ITSN1: variants seen among roughly 807,000 people sequenced by gnomAD.
ITSN1 encodes the protein intersectin-1.
ITSN1 carries 58 observed loss-of-function variants against 239.8 expected under a neutral mutation model. That is an observed-to-expected ratio of 0.24 (90% CI 0.20 to 0.30). ITSN1 has a LOEUF of 0.30. ITSN1 is among the 10% of genes least tolerant of loss of function. ITSN1 has a pLI of 1.00. For missense variants in ITSN1, 1,558 were observed against 2,103.3 expected, an observed-to-expected ratio of 0.74 and a Z score of 5.07; for synonymous variants, 780 against 770.8, an observed-to-expected ratio of 1.01 and a Z score of -0.20.
chr21:33,813,266 T>C (rs1208096089), intron 21 of ITSN1, among the ~76,000 whole-genome samples: 1 of 152,026 alleles, frequency 6.6e-6, no homozygotes, highest in South Asian at 2.1e-4. Context: ...TCACTGCAAC[T>C]TCCACCTCCC....
Position 33,882,812 on chromosome 21 carries a change from C to T in ITSN1, c.4554+357C>T, listed in dbSNP as rs1204781781. Among the ~76,000 whole-genome samples, 1 of 152,174 alleles carries T rather than the reference C, an allele frequency of 6.6e-6. No individual in the cohort carries two copies. Among genetic ancestry groups the T allele is most frequent in the Non-Finnish European group, 1.5e-5 (1 of 68,032 alleles). ...AACAGCACCCAGGGCCCACCGTCGC[C>T]TCCAAACAGTCCTAAGTCCCCTGCC... On this transcript the variant is annotated intron_variant, in intron 35 of 39. Coordinates refer to ENST00000381318, the MANE Select transcript of ITSN1 (RefSeq NM_003024.3). The surrounding 1 kb of genome is among the most constrained non-coding windows in gnomAD (Gnocchi z 4.5).
Position 33,781,500 on chromosome 21 carries a change from C to CA in ITSN1, c.1637dup (p.Ile547AspfsTer4). Reference sequence around the variant, plus strand: ...GCTTGGAAGACTTATTCCAGAAAAACAGATACTCAATGACCAATTAAAACA... The same window carrying CA: ...GCTTGGAAGACTTATTCCAGAAAAACAAGATACTCAATGACCAATTAAAACA... On this transcript the variant is annotated frameshift_variant, in exon 15 of 40. Transcript: ENST00000381318. LOFTEE classifies it high-confidence loss of function. 6.3e-7 allele frequency: 1 copy of CA among 1,598,768 alleles called. No homozygotes were observed. Among genetic ancestry groups the CA allele is most frequent in the Non-Finnish European group, 8.5e-7 (1 of 1,172,292 alleles).
chr21:33,845,186 G>GACTGGGGGCCGGTGTTGTT (rs1390450732), intron 29 of ITSN1, among the ~76,000 whole-genome samples: 4 of 152,034 alleles, frequency 2.6e-5, no homozygotes, highest in Non-Finnish European at 5.9e-5. Context: ...CACAGAGCAT[G>GACTGGGGGCCGGTGTTGTT]ACTGGGGGCC....
At chr21:33,694,286 C>T (rs7277761) in intron 1 of ITSN1, among the ~76,000 whole-genome samples, 76 of 152,348 alleles carry the variant, frequency 5.0e-4, no homozygotes, top group African/African-American at 1.8e-3. Context: ...ACTTTGGCTA[C>T]CCAAAGTGCT....
intron 24 of ITSN1, among the ~76,000 whole-genome samples, chr21:33,819,689 A>G (rs1006910768): frequency 1.3e-5 from 2 of 152,230 alleles, no homozygotes; most frequent in African/African-American, 4.8e-5. Context: ...TTTCGTTTTA[A>G]AAGTAACTAC....
intron 22 of ITSN1, among the ~76,000 whole-genome samples, chr21:33,816,026 A>C (rs557530953): frequency 5.8e-4 from 89 of 152,170 alleles, no homozygotes; most frequent in African/African-American, 2.1e-3. Flanking sequence ...TACTAAAAAA[A>C]ATAAATAAAT....
intron 1 of ITSN1, among the ~76,000 whole-genome samples, chr21:33,649,699 A>G (rs2088326167): frequency 6.6e-6 from 1 of 152,116 alleles, no homozygotes; most frequent in African/African-American, 2.4e-5. Context: ...AGAATTTTGA[A>G]TTCAAGTGAA....
chr21:33,750,774 A>G (rs964287609), intron 6 of ITSN1, among the ~76,000 whole-genome samples: 4 of 152,230 alleles, frequency 2.6e-5, no homozygotes, highest in African/African-American at 9.7e-5. Context: ...ATACTATTTT[A>G]TGGTATTACA....
chr21:33,809,228 A>G (rs933973065), intron 20 of ITSN1, among the ~76,000 whole-genome samples: 3 of 152,234 alleles, frequency 2.0e-5, no homozygotes, highest in Non-Finnish European at 4.4e-5. Context: ...TGTGAAGCCA[A>G]AAATTCAACC....
chr21:33,648,589 G>C (rs879647766), intron 1 of ITSN1, among the ~76,000 whole-genome samples: 3 of 152,140 alleles, frequency 2.0e-5, no homozygotes, highest in Admixed American at 2.0e-4. Context: ...GGTCACTCCT[G>C]TAATCCCAAT....
rs563391544 is a variant in ITSN1 at position 33,666,968 on chromosome 21, C to G, written c.-33+24255C>G. On this transcript the variant is annotated intron_variant, in intron 1 of 39. Coordinates refer to ENST00000381318, the MANE Select transcript of ITSN1 (RefSeq NM_003024.3). Reference sequence around the variant, plus strand: ...GAGGCATTGTTTTACATTTACATGCCACCATGCCCGCTAGTTTTTTTATTT... The same window carrying G: ...GAGGCATTGTTTTACATTTACATGCGACCATGCCCGCTAGTTTTTTTATTT... 9.2e-5 allele frequency among the ~76,000 whole-genome samples: 14 copies of G among 152,166 alleles called. No homozygotes were observed. The East Asian group carries it at 2.7e-3, about 29-fold the overall frequency.
At chr21:33,710,074 TTTTTTTG>T (rs990792142) in intron 1 of ITSN1, among the ~76,000 whole-genome samples, 2 of 151,262 alleles carry the variant, frequency 1.3e-5, no homozygotes, top group African/African-American at 4.9e-5. Flanking sequence ...GAGAGGCATT[TTTTTTTG>T]TTTTTTTTTT....
chr21:33,868,498 G>A (rs1304836080), intron 33 of ITSN1, among the ~76,000 whole-genome samples: 8 of 152,208 alleles, frequency 5.3e-5, no homozygotes, highest in South Asian at 2.1e-4. Flanking sequence ...GAAATCGAGC[G>A]CAGCGCCGGT....
intron 1 of ITSN1, among the ~76,000 whole-genome samples, chr21:33,698,032 T>C (rs1454835670): frequency 6.6e-6 from 1 of 152,202 alleles, no homozygotes; most frequent in Admixed American, 6.5e-5. Context: ...TGTCTTTCAT[T>C]GCTGTCCCTT....
intron 1 of ITSN1, among the ~76,000 whole-genome samples, chr21:33,706,211 G>C (rs1184226001): frequency 2.0e-5 from 3 of 151,938 alleles, no homozygotes; most frequent in Admixed American, 6.6e-5. Context: ...TAGAGATGGG[G>C]TTTCGCCATG....
chr21:33,761,185 C>T (rs1382032715), intron 8 of ITSN1, among the ~76,000 whole-genome samples: 1 of 152,090 alleles, frequency 6.6e-6, no homozygotes, highest in Non-Finnish European at 1.5e-5. Flanking sequence ...AAGCGATCCT[C>T]CTACTTCAGC....
At chr21:33,818,611 A>T in intron 23 of ITSN1, 139 bp downstream of exon 23, 1 of 718,292 alleles carries the variant, frequency 1.4e-6, no homozygotes, top group Non-Finnish European at 2.4e-6. Context: ...AAGTTATAGT[A>T]TATAGAGTAC....
At chr21:33,701,526 C>T (rs1247052976) in intron 1 of ITSN1, among the ~76,000 whole-genome samples, 4 of 151,724 alleles carry the variant, frequency 2.6e-5, no homozygotes, top group Admixed American at 2.0e-4. Flanking sequence ...GGCATGGTGA[C>T]GCACGCCTGT....
intron 1 of ITSN1, among the ~76,000 whole-genome samples, chr21:33,695,953 C>G (rs909900664): frequency 2.6e-5 from 4 of 152,170 alleles, no homozygotes; most frequent in African/African-American, 9.7e-5. Context: ...CTGTCTGTTG[C>G]CTTCTAAAAT....
Sources: gnomAD v4.1 joint callset for allele counts (sites outside exome capture counted in the v4.1 genomes callset) on GRCh38, gnomAD v4.1.1 for gene constraint, Gnocchi (gnomAD v3.1) non-coding constraint, MANE v1.5 for transcripts, NCBI Gene and HGNC (gene_info 2026-07-23, HGNC 2026-07-21) for gene names.